SMCO4: variants seen among roughly 807,000 people sequenced by gnomAD.
The protein encoded by SMCO4 is single-pass membrane protein with coiled-coil domains 4, also known as single-pass membrane and coiled-coil domain-containing protein 4.
Under a neutral mutation model 3.6 loss-of-function variants are expected in SMCO4, and 4 were observed. That is an observed-to-expected ratio of 1.11 (90% CI 0.54 to 2.53). The LOEUF (loss-of-function observed/expected upper bound fraction) is 2.53. Among genes scored for constraint, SMCO4 ranks in the 30% most tolerant of loss-of-function variants. The pLI, the probability that SMCO4 is intolerant of heterozygous loss-of-function variation, is 0.02. For synonymous variants in SMCO4, 36 were observed against 35.3 expected (o/e 1.02, Z -0.07); for missense variants, 70 against 80.8 (o/e 0.87, Z 0.51).
chr11:93,534,313 C>T (rs932723577), intron 1 of SMCO4, among the ~76,000 whole-genome samples: 2 of 146,820 alleles, frequency 1.4e-5, no homozygotes, highest in Non-Finnish European at 3.0e-5. Flanking sequence ...TACATATATA[C>T]ACATATATAC....
intron 1 of SMCO4, among the ~76,000 whole-genome samples, chr11:93,538,974 C>T (rs1019303969): frequency 6.6e-6 from 1 of 152,226 alleles, no homozygotes; most frequent in Non-Finnish European, 1.5e-5. Context: ...CCTGGCACAG[C>T]ATGCAAGGCC....
At chr11:93,522,900 G>A (rs950909648) in intron 1 of SMCO4, among the ~76,000 whole-genome samples, 6 of 152,084 alleles carry the variant, frequency 3.9e-5, no homozygotes, top group Non-Finnish European at 8.8e-5. Context: ...CAATAAGAGG[G>A]CTATCAACTC....
At chr11:93,488,914 G>A (rs868643223) in intron 2 of SMCO4, among the ~76,000 whole-genome samples, 1 of 152,070 alleles carries the variant, frequency 6.6e-6, no homozygotes, top group African/African-American at 2.4e-5. Context: ...GAAGACGATG[G>A]TGGCTTGGAA....
chr11:93,541,097 A>AC (rs1949267325), intron 1 of SMCO4, among the ~76,000 whole-genome samples: 1 of 152,168 alleles, frequency 6.6e-6, no homozygotes, highest in Admixed American at 6.5e-5. Context: ...ATACACACAC[A>AC]AAAAAAATTC....
At chr11:93,483,129 G>T (rs1159391309) in intron 2 of SMCO4, among the ~76,000 whole-genome samples, 1 of 152,148 alleles carries the variant, frequency 6.6e-6, no homozygotes, top group African/African-American at 2.4e-5. Context: ...GTGAGGGTTG[G>T]GGGACTAAAG....
At chr11:93,548,537 T>A in the SMCO4 span, among the ~76,000 whole-genome samples, 1 of 152,218 alleles carries the variant, frequency 6.6e-6, no homozygotes, top group East Asian at 1.9e-4. Context: ...GGCAGTCATT[T>A]AACTCCAGTG....
chr11:93,510,310 C>T (rs185552322), intron 1 of SMCO4, among the ~76,000 whole-genome samples: 1 of 152,332 alleles, frequency 6.6e-6, no homozygotes, highest in East Asian at 1.9e-4. Context: ...TTTCAACAAT[C>T]ACCAATGTGT....
At chr11:93,541,880 G>A (rs1248069666) in intron 1 of SMCO4, among the ~76,000 whole-genome samples, 2 of 152,158 alleles carry the variant, frequency 1.3e-5, no homozygotes, top group Non-Finnish European at 2.9e-5. Flanking sequence ...GTGTCCCTCA[G>A]AAACCTACTC....
intron 1 of SMCO4, among the ~76,000 whole-genome samples, chr11:93,540,523 T>G (rs1470703057): frequency 6.6e-6 from 1 of 152,230 alleles, no homozygotes; most frequent in African/African-American, 2.4e-5. Flanking sequence ...CTTGTTGCTC[T>G]TCACATACAG....
chr11:93,484,073 C>A (rs1948621485), intron 2 of SMCO4, among the ~76,000 whole-genome samples: 1 of 152,300 alleles, frequency 6.6e-6, no homozygotes, highest in African/African-American at 2.4e-5. Context: ...TTCACAAATG[C>A]CTGAGTTCTA....
At chr11:93,536,872 A>G (rs1949230640) in intron 1 of SMCO4, among the ~76,000 whole-genome samples, 1 of 152,240 alleles carries the variant, frequency 6.6e-6, no homozygotes, top group Non-Finnish European at 1.5e-5. Flanking sequence ...ACCAATTTGA[A>G]CAGGTTTCTA....
At chr11:93,490,661 T>G (rs1948704268) in intron 2 of SMCO4, among the ~76,000 whole-genome samples, 1 of 152,222 alleles carries the variant, frequency 6.6e-6, no homozygotes. Context: ...AATGGTTAAA[T>G]GGCCCAGGTG....
At chr11:93,535,515 T>A in intron 1 of SMCO4, 1 of 1,405,982 alleles carries the variant, frequency 7.1e-7, no homozygotes, top group Admixed American at 1.7e-5. Context: ...CTGACCAGAC[T>A]TTTCCAGAAG....
rs1948548148 is a variant in SMCO4 at position 93,478,708 on chromosome 11, AAG to A, written c.*300_*301del. On this transcript the variant is annotated 3_prime_UTR_variant, in exon 3 of 3. Coordinates refer to ENST00000298966, the MANE Select transcript of SMCO4 (RefSeq NM_020179.3). Reference sequence around the variant, plus strand: ...TACTTATCGATTTTTAGGAGAGAAAAAGAAGCACACACACACACACACACACA... The same window carrying A: ...TACTTATCGATTTTTAGGAGAGAAAAAAGCACACACACACACACACACACA... 1 of 424,740 alleles carries A rather than the reference AAG, an allele frequency of 2.4e-6. No homozygotes were observed. Among genetic ancestry groups the A allele is most frequent in the Non-Finnish European group, 3.1e-6 (1 of 321,246 alleles). The allele number at this position is 424,740 out of a possible 1,614,324, so 26.3% of individuals were successfully genotyped here. A position where few individuals can be genotyped will look rare whatever the true frequency, so the allele number is the denominator to read the frequency against.
At chr11:93,503,247 C>G (rs1948861975) in intron 1 of SMCO4, among the ~76,000 whole-genome samples, 1 of 152,124 alleles carries the variant, frequency 6.6e-6, no homozygotes, top group Non-Finnish European at 1.5e-5. Context: ...TGGTGAAAGG[C>G]AAAAGGCATG....
intron 1 of SMCO4, among the ~76,000 whole-genome samples, chr11:93,503,609 C>T (rs1322249094): frequency 1.3e-5 from 2 of 152,030 alleles, no homozygotes; most frequent in African/African-American, 2.4e-5. Flanking sequence ...ATTCACATGC[C>T]CTTATAAGAA....
intron 1 of SMCO4, among the ~76,000 whole-genome samples, chr11:93,543,016 G>C (rs1054135858): frequency 1.3e-5 from 2 of 151,630 alleles, no homozygotes; most frequent in Non-Finnish European, 2.9e-5. Flanking sequence ...CGCAGCAACC[G>C]GGATGCAGCG....
chr11:93,479,154 G>C lies in SMCO4; in HGVS notation c.36C>G (p.Thr12=). 6.2e-7 allele frequency: 1 copy of C among 1,614,072 alleles called. No homozygotes were observed. The highest frequency in any genetic ancestry group is 8.5e-7 in the Non-Finnish European group (1 of 1,180,030). ...RQLKGKPKKE[T]SKDKKERKQA... is the part of the protein sequence containing the mutation. ...GCTTCCGCTCCTTCTTGTCCTTGGAGGTCTCCTTCTTGGGCTTCCCTTTGA... is the reference window on the plus strand; with the variant it reads ...GCTTCCGCTCCTTCTTGTCCTTGGACGTCTCCTTCTTGGGCTTCCCTTTGA... The change falls in exon 3 of 3, where the codon ACC becomes ACG. Residue 12 remains threonine, a synonymous_variant. Coordinates refer to ENST00000298966, the MANE Select transcript of SMCO4 (RefSeq NM_020179.3).
chr11:93,492,880 T>C (rs1270346962), intron 2 of SMCO4, among the ~76,000 whole-genome samples: 1 of 152,236 alleles, frequency 6.6e-6, no homozygotes, highest in Non-Finnish European at 1.5e-5. Context: ...CTTTGATTCC[T>C]GACAAAATTC....
Sources: gnomAD v4.1 joint callset for allele counts (sites outside exome capture counted in the v4.1 genomes callset) on GRCh38, gnomAD v4.1.1 for gene constraint, MANE v1.5 for transcripts, NCBI Gene and HGNC (gene_info 2026-07-23, HGNC 2026-07-21) for gene names.